INPP4A: variants seen among roughly 807,000 people sequenced by gnomAD.
The protein encoded by INPP4A is inositol polyphosphate-4-phosphatase type I A, also known as inositol polyphosphate-4-phosphatase, type I, 107kD.
INPP4A carries 33 observed loss-of-function variants against 119.8 expected under a neutral mutation model. The ratio of observed to expected loss-of-function variants is 0.28; its 90% CI spans 0.21 to 0.37. The LOEUF is 0.37. INPP4A is among the 10% of genes least tolerant of loss of function. The pLI, the probability that INPP4A is intolerant of heterozygous loss-of-function variation, is 1.00. For synonymous variants in INPP4A, 496 were observed against 500.7 expected (o/e 0.99, Z 0.12); for missense variants, 956 against 1,289.9 (o/e 0.74, Z 3.97).
chr2:98,532,965 A>G (rs997686958), intron 4 of INPP4A, among the ~76,000 whole-genome samples: 7 of 152,226 alleles, frequency 4.6e-5, no homozygotes, highest in Admixed American at 4.6e-4. Flanking sequence ...AGAGTCAGCC[A>G]CAGCAGTCAC....
chr2:98,510,517 G>A (rs563758612), intron 1 of INPP4A, among the ~76,000 whole-genome samples: 11 of 152,196 alleles, frequency 7.2e-5, no homozygotes, highest in Admixed American at 2.6e-4. Flanking sequence ...TTGGGAAGGC[G>A]CTGGCATTTA....
intron 1 of INPP4A, among the ~76,000 whole-genome samples, chr2:98,450,078 T>G (rs1007169680): frequency 1.3e-5 from 2 of 152,178 alleles, no homozygotes; most frequent in Non-Finnish European, 2.9e-5. Context: ...TTAGAATGTT[T>G]TTTTAAGTGT....
chr2:98,555,502 T>C (rs1694292669), intron 15 of INPP4A, 51 bp from the exon 16 acceptor site: 2 of 1,545,772 alleles, frequency 1.3e-6, no homozygotes, highest in East Asian at 4.5e-5. Context: ...GTGTTATGTT[T>C]GTGTTTCTGT....
chr2:98,488,061 T>C (rs1194298921), intron 1 of INPP4A, among the ~76,000 whole-genome samples: 1 of 152,130 alleles, frequency 6.6e-6, no homozygotes, highest in Non-Finnish European at 1.5e-5. Context: ...AGTACTAGGG[T>C]ATTCATTGTG....
At chr2:98,521,811 A>T (rs1283640007) in intron 4 of INPP4A, 7 of 151,966 alleles carry the variant, frequency 4.6e-5, no homozygotes, top group Non-Finnish European at 5.9e-5. Flanking sequence ...TGGCACACGC[A>T]TGTATTGCCA....
Position 98,546,509 on chromosome 2 carries a change from T to C in INPP4A, c.1055-77T>C. The stretch of plus-strand genomic sequence containing the variant: ...GGGCTGGAGGGTCAGGACCCCAGAC[T>C]TGTGTGCATATCCCTATAGCTGGCT... On this transcript the variant is annotated intron_variant, in intron 12 of 24. Coordinates refer to ENST00000409851, the MANE Select transcript of INPP4A (RefSeq NM_001134225.2). The surrounding 1 kb of genome is among the most constrained non-coding windows in gnomAD (Gnocchi z 4.2). 1.0e-6 allele frequency: 1 copy of C among 979,038 alleles called. No individual in the cohort carries two copies. Among genetic ancestry groups the C allele is most frequent in the East Asian group, 2.4e-5 (1 of 41,502 alleles). 60.6% of individuals were successfully genotyped at this position (979,038 alleles called of 1,614,324 possible). A position where few individuals can be genotyped will look rare whatever the true frequency, so the allele number is the denominator to read the frequency against.
intron 3 of INPP4A, among the ~76,000 whole-genome samples, 179 bp downstream of exon 3, chr2:98,520,333 C>A (rs1244115632): frequency 2.6e-5 from 4 of 152,208 alleles, no homozygotes; most frequent in Non-Finnish European, 5.9e-5. Flanking sequence ...TGTCAGCCCT[C>A]TTCCTGTGAA....
At chr2:98,515,884 GA>G (rs1342674807) in intron 1 of INPP4A, among the ~76,000 whole-genome samples, 2 of 152,244 alleles carry the variant, frequency 1.3e-5, no homozygotes, top group African/African-American at 4.8e-5. Context: ...GACATCATGG[GA>G]AGTGGGATAG....
chr2:98,520,001 G>T lies in INPP4A; in HGVS notation c.-48G>T. 6.8e-7 allele frequency: 1 copy of T among 1,473,010 alleles called. No individual in the cohort carries two copies. Among genetic ancestry groups the T allele is most frequent in the Non-Finnish European group, 9.3e-7 (1 of 1,074,150 alleles). 91.2% of individuals were successfully genotyped at this position (1,473,010 alleles called of 1,614,324 possible). ...GGTGCCAGCACTTCCCGGGTAATCA[G>T]GCGTGGTCTGACCGAGGATCAAGAA... is the stretch of plus-strand genomic sequence containing the variant. On this transcript the variant is annotated 5_prime_UTR_variant, in exon 3 of 25. The change creates a new upstream start codon in the 5' untranslated region. Transcript: ENST00000409851.
At chr2:98,480,704 C>A (rs575460030) in intron 1 of INPP4A, among the ~76,000 whole-genome samples, 2 of 152,350 alleles carry the variant, frequency 1.3e-5, no homozygotes, top group South Asian at 4.1e-4. Flanking sequence ...GTCCCTCACT[C>A]CTGGCCCCCA....
rs1182351719 is a variant in INPP4A at position 98,591,205 on chromosome 2, G to T, written c.*3597G>T. On this transcript the variant is annotated 3_prime_UTR_variant, in exon 25 of 25. Coordinates refer to ENST00000409851, the MANE Select transcript of INPP4A (RefSeq NM_001134225.2). Reference sequence around the variant, plus strand: ...AAGGTGGGACATATGGGACAGCCATGTCCTTGTGGGCATGGTGGTGTGGCT... The same window carrying T: ...AAGGTGGGACATATGGGACAGCCATTTCCTTGTGGGCATGGTGGTGTGGCT... 5.7e-6 allele frequency: 1 copy of T among 176,976 alleles called. No homozygotes were observed. Among genetic ancestry groups the T allele is most frequent in the Non-Finnish European group, 1.2e-5 (1 of 82,520 alleles). The allele number at this position is 176,976 out of a possible 1,614,324, so 11.0% of individuals were successfully genotyped here. A position where few individuals can be genotyped will look rare whatever the true frequency, so the allele number is the denominator to read the frequency against.
At position 98,454,176 on chromosome 2, in the gene INPP4A, A is replaced by AAG. The variant is rs371667206; in HGVS notation, c.-166+9106_-166+9107dup. Among the ~76,000 whole-genome samples the AAG allele has an allele frequency of 2.4e-4, 36 of 150,542 alleles. No individual in the cohort carries two copies. The South Asian group carries it at 3.8e-3, about 16-fold the overall frequency. On this transcript the variant is annotated intron_variant, in intron 1 of 24. Coordinates refer to ENST00000409851, the MANE Select transcript of INPP4A (RefSeq NM_001134225.2). ...CAGGTGGATCAGCATATTTCTACAT[A>AAG]AGAGAGAGAGAGAGAGTCTCCTTGT...
rs547555733 is a variant in INPP4A, at chr2:98,502,642, T to C, written c.-165-16322T>C. Among the ~76,000 whole-genome samples, 10 of 152,324 alleles carry C rather than the reference T, an allele frequency of 6.6e-5. No individual in the cohort carries two copies. The South Asian group carries it at 1.9e-3, about 28-fold the overall frequency. ...GTGAAAGTACCTCAACATTGTCTTA[T>C]TTTCACATTGATATTCCTACTCGTT... is the stretch of plus-strand genomic sequence containing the variant. On this transcript the variant is annotated intron_variant, in intron 1 of 24. Transcript: ENST00000409851.
At chr2:98,465,887 A>G (rs936136155) in intron 1 of INPP4A, among the ~76,000 whole-genome samples, 2 of 151,168 alleles carry the variant, frequency 1.3e-5, no homozygotes, top group African/African-American at 4.9e-5. Flanking sequence ...CTTGGGTCTC[A>G]CTCTAGCGCC....
chr2:98,541,608 G>T (rs896961051), intron 10 of INPP4A, among the ~76,000 whole-genome samples: 1 of 152,124 alleles, frequency 6.6e-6, no homozygotes, highest in Admixed American at 6.5e-5. Flanking sequence ...TTGAGACAGG[G>T]TATTGCTCTG....
chr2:98,482,441 AG>A (rs1678661967), intron 1 of INPP4A, among the ~76,000 whole-genome samples: 1 of 152,242 alleles, frequency 6.6e-6, no homozygotes, highest in Non-Finnish European at 1.5e-5. Flanking sequence ...CCCTGCAAGG[AG>A]GGCAGTCTGA....
chr2:98,482,823 G>C (rs1289843328), intron 1 of INPP4A, among the ~76,000 whole-genome samples: 1 of 152,212 alleles, frequency 6.6e-6, no homozygotes, highest in Non-Finnish European at 1.5e-5. Context: ...ATAAGTGAAA[G>C]CATAATAGAG....
At chr2:98,471,477 A>G (rs1675993142) in intron 1 of INPP4A, among the ~76,000 whole-genome samples, 2 of 152,194 alleles carry the variant, frequency 1.3e-5, no homozygotes. Context: ...TATGTGGAAT[A>G]TTTCTGTTAG....
intron 4 of INPP4A, chr2:98,520,995 G>A (rs1687078727): frequency 2.9e-6 from 1 of 342,032 alleles, no homozygotes; most frequent in South Asian, 5.0e-5. Context: ...AGGTGGCTGG[G>A]GACAGGGAGG....
Sources: allele counts gnomAD v4.1 joint callset (sites outside exome capture counted in the v4.1 genomes callset), GRCh38; gene constraint gnomAD v4.1.1; non-coding constraint Gnocchi (gnomAD v3.1); transcripts MANE v1.5; gene names NCBI Gene and HGNC (gene_info 2026-07-23, HGNC 2026-07-21).